The following OTOGL variants were observed in gnomAD, a reference collection of about 807,000 sequenced individuals.
OTOGL encodes the protein otogelin-like protein.
A neutral mutation model predicts 318.5 loss-of-function variants in OTOGL; 285 were observed. The observed-to-expected ratio is 0.89, with a 90% CI of 0.81 to 0.99. OTOGL has a LOEUF of 0.99. Ranked by LOEUF, OTOGL falls within the 50% of genes least tolerant of loss-of-function variation. The pLI, the probability that OTOGL is intolerant of heterozygous loss-of-function variation, is 0.00. For missense variants in OTOGL, 2,899 were observed against 2,845.6 expected, an observed-to-expected ratio of 1.02 and a Z score of -0.43; for synonymous variants, 987 against 936.5, an observed-to-expected ratio of 1.05 and a Z score of -0.99.
intron 11 of OTOGL, among the ~76,000 whole-genome samples, chr12:80,239,641 T>G (rs1880196261): frequency 6.6e-6 from 1 of 152,152 alleles, no homozygotes; most frequent in Non-Finnish European, 1.5e-5. Context: ...GATGTACATA[T>G]TTTCAGGGTA....
rs1161578363 is a variant in OTOGL at position 80,252,220 on chromosome 12, A to AGC, written c.1285+19_1285+20insGC. The AGC allele has an allele frequency of 1.3e-6, 2 of 1,592,714 alleles. No homozygotes were observed. Among genetic ancestry groups the AGC allele is most frequent in the African/African-American group, 2.7e-5 (2 of 74,440 alleles). On this transcript the variant is annotated intron_variant, in intron 13 of 58. Transcript: ENST00000547103. The stretch of plus-strand genomic sequence containing the variant: ...CCAGATGGTAAGTGCTTCATGAAGA[A>AGC]ACCATGTCTGCACTCATGGAAACTA...
intron 4 of OTOGL, among the ~76,000 whole-genome samples, chr12:80,214,542 A>T (rs1877534512): frequency 6.6e-6 from 1 of 152,184 alleles, no homozygotes; most frequent in Non-Finnish European, 1.5e-5. Flanking sequence ...GATGAATTCC[A>T]AGGTGAATTC....
At chr12:80,354,435 A>G (rs940161551) in intron 46 of OTOGL, among the ~76,000 whole-genome samples, 2 of 152,172 alleles carry the variant, frequency 1.3e-5, no homozygotes, top group African/African-American at 4.8e-5. Context: ...CACAAAATGG[A>G]CTAAGATACT....
At chr12:80,290,786 A>G (rs905059826) in intron 26 of OTOGL, among the ~76,000 whole-genome samples, 2 of 152,210 alleles carry the variant, frequency 1.3e-5, no homozygotes. Flanking sequence ...TTATTATTTC[A>G]TTCATTTAAT....
intron 14 of OTOGL, 78 bp from the exon 15 acceptor site, chr12:80,254,446 C>A: frequency 8.8e-7 from 1 of 1,138,840 alleles, no homozygotes; most frequent in Non-Finnish European, 1.3e-6. Context: ...TATTTTGGTC[C>A]ATTAATCAAT....
chr12:80,170,568 A>C (rs1231241633), intron 1 of OTOGL, among the ~76,000 whole-genome samples: 4 of 151,504 alleles, frequency 2.6e-5, no homozygotes, highest in African/African-American at 9.7e-5. Flanking sequence ...TGAGTATCTG[A>C]GATTACAGGT....
intron 1 of OTOGL, among the ~76,000 whole-genome samples, chr12:80,124,319 G>C (rs1027844806): frequency 3.9e-5 from 6 of 152,122 alleles, no homozygotes; most frequent in Non-Finnish European, 7.4e-5. Context: ...GCTTGTTTTT[G>C]TGAGGTTTGT....
chr12:80,255,227 G>A (rs1422805953), intron 16 of OTOGL, 42 bp downstream of exon 16: 1 of 1,350,040 alleles, frequency 7.4e-7, no homozygotes, highest in Non-Finnish European at 9.6e-7. Flanking sequence ...TGGATTCACT[G>A]ATTTTTGCTT....
At chr12:80,268,534 T>G (rs1883172656) in intron 22 of OTOGL, among the ~76,000 whole-genome samples, 1 of 152,134 alleles carries the variant, frequency 6.6e-6, no homozygotes, top group Non-Finnish European at 1.5e-5. Context: ...TATCTCCACC[T>G]TTTTTCCTAT....
chr12:80,351,793 T>A (rs1189018856), intron 44 of OTOGL, among the ~76,000 whole-genome samples: 1 of 152,170 alleles, frequency 6.6e-6, no homozygotes, highest in African/African-American at 2.4e-5. Context: ...AAATGGAACA[T>A]ATTCTATAGG....
chr12:80,188,324 G>T (rs937229858), intron 1 of OTOGL, among the ~76,000 whole-genome samples: 20 of 152,024 alleles, frequency 1.3e-4, no homozygotes, highest in Non-Finnish European at 1.9e-4. Flanking sequence ...CAGATCACGA[G>T]GTCAGGAGTT....
intron 1 of OTOGL, among the ~76,000 whole-genome samples, chr12:80,144,177 G>C (rs1431754430): frequency 5.9e-5 from 9 of 151,922 alleles, no homozygotes; most frequent in African/African-American, 1.7e-4. Flanking sequence ...TCTAGCATTA[G>C]GTGTATCTCC....
chr12:80,227,802 C>T (rs1336832740), intron 7 of OTOGL, among the ~76,000 whole-genome samples: 1 of 152,084 alleles, frequency 6.6e-6, no homozygotes, highest in Non-Finnish European at 1.5e-5. Flanking sequence ...CTCTCTCTCA[C>T]GCTCCATCTT....
chr12:80,227,378 G>T (rs2137380729), intron 7 of OTOGL, among the ~76,000 whole-genome samples: 1 of 151,794 alleles, frequency 6.6e-6, no homozygotes, highest in South Asian at 2.1e-4. Flanking sequence ...AAAGTTTTTG[G>T]GTTTTTCTAA....
chr12:80,289,303 C>G (rs1884864348), intron 26 of OTOGL, among the ~76,000 whole-genome samples: 1 of 152,128 alleles, frequency 6.6e-6, no homozygotes, highest in Non-Finnish European at 1.5e-5. Flanking sequence ...TGATGCCAGC[C>G]AGAGCTCTCC....
chr12:80,313,653 A>T, intron 31 of OTOGL, 21 bp downstream of exon 31: 1 of 1,583,678 alleles, frequency 6.3e-7, no homozygotes. Flanking sequence ...TACTTAGAAC[A>T]TCATTATGTA....
At chr12:80,367,328 T>C (rs1351843338) in intron 53 of OTOGL, among the ~76,000 whole-genome samples, 1 of 152,104 alleles carries the variant, frequency 6.6e-6, no homozygotes, top group African/African-American at 2.4e-5. Flanking sequence ...GGAAGTTCAA[T>C]CATTAAACAG....
At chr12:80,317,287 C>T (rs1887031329) in intron 32 of OTOGL, among the ~76,000 whole-genome samples, 1 of 152,114 alleles carries the variant, frequency 6.6e-6, no homozygotes, top group East Asian at 1.9e-4. Flanking sequence ...TATACTTCTC[C>T]ATGCAGAAAA....
rs2137824178 is a variant in OTOGL at position 80,318,650 on chromosome 12, G to A, written c.3739G>A (p.Val1247Ile). 1 of 1,451,756 alleles carries A rather than the reference G, an allele frequency of 6.9e-7. No individual in the cohort carries two copies. The highest frequency in any genetic ancestry group is 1.5e-5 in the South Asian group (1 of 66,254). The allele number at this position is 1,451,756 out of a possible 1,614,324, so 89.9% of individuals were successfully genotyped here. ...RSVFCLPRSS[V>I]HTSLFFYFMI... ...CGTTTTCTGTTTGCCGAGAAGCAGTGTTCATACCAGTTTATTTTTTTATTT... is the reference window on the plus strand; with the variant it reads ...CGTTTTCTGTTTGCCGAGAAGCAGTATTCATACCAGTTTATTTTTTTATTT... Residue 1247 changes from valine to isoleucine, a missense_variant, in exon 33 of 59, where the codon GTT (valine) becomes ATT (isoleucine). By Grantham distance (29) the Val-to-Ile change is conservative. Coordinates refer to ENST00000547103, the MANE Select transcript of OTOGL (RefSeq NM_001378609.3).
Sources: gnomAD v4.1 joint callset for allele counts (sites outside exome capture counted in the v4.1 genomes callset) on GRCh38, gnomAD v4.1.1 for gene constraint, MANE v1.5 for transcripts, NCBI Gene and HGNC (gene_info 2026-07-23, HGNC 2026-07-21) for gene names.